The following TREM1 variants were observed in gnomAD, a reference collection of about 807,000 sequenced individuals.
TREM1 encodes the protein triggering receptor expressed on myeloid cells 1, also known as triggering receptor expressed on monocytes 1.
A neutral mutation model predicts 22.4 loss-of-function variants in TREM1; 16 were observed. That is an observed-to-expected ratio of 0.71 (90% CI 0.48 to 1.08). TREM1 has a LOEUF of 1.08. Among genes scored for constraint, TREM1 ranks in the 50% least tolerant of loss-of-function variants. The pLI is 0.00. For synonymous variants in TREM1, 110 were observed against 111.6 expected (o/e 0.99, Z 0.09); for missense variants, 283 against 282.9 (o/e 1.00, Z 0.00).
chr6:41,269,592 G>T (rs73735827), downstream of TREM1, among the ~76,000 whole-genome samples: 5 of 152,230 alleles, frequency 3.3e-5, no homozygotes, highest in East Asian at 9.7e-4. Context: ...TTTCTCTAGC[G>T]GCCCTCTGCC....
chr6:41,268,752 G>T (rs1436668779), downstream of TREM1, among the ~76,000 whole-genome samples: 1 of 152,108 alleles, frequency 6.6e-6, no homozygotes, highest in East Asian at 1.9e-4. Context: ...CTTTGCAAAG[G>T]ACTGAAGTTT....
intron 1 of TREM1, among the ~76,000 whole-genome samples, chr6:41,283,719 A>AAC (rs60544893): frequency 0.033 from 4,811 of 146,952 alleles, 301 homozygotes; most frequent in East Asian, 0.29. Flanking sequence ...TAAAAAAAAA[A>AAC]ACACACACAC....
chr6:41,280,625 C>T lies in TREM1; in HGVS notation c.599+336G>A, dbSNP rs1489012330. ...CAGGCCAACACTAGATCCAGGGCCC[C>T]TCACTCAGAGTGCTTTCCCACTGCC... On this transcript the variant is annotated intron_variant, in intron 3 of 3. Transcript: ENST00000244709. The T allele has an allele frequency of 3.0e-6, 4 of 1,346,928 alleles. No individual in the cohort carries two copies. In the East Asian group the frequency reaches 1.2e-4, roughly 40 times the overall value. The allele number at this position is 1,346,928 out of a possible 1,614,324, so 83.4% of individuals were successfully genotyped here.
At chr6:41,269,580 A>G (rs1000766089), downstream of TREM1, among the ~76,000 whole-genome samples, 1 of 152,252 alleles carries the variant, frequency 6.6e-6, no homozygotes, top group African/African-American at 2.4e-5. Context: ...TCAATTAACC[A>G]GTTTCTCTAG....
chr6:41,283,719 A>C (rs9471533), intron 1 of TREM1, among the ~76,000 whole-genome samples: 68,326 of 146,808 alleles, frequency 0.47, 15,940 homozygotes, highest in Middle Eastern at 0.58. Flanking sequence ...TAAAAAAAAA[A>C]ACACACACAC....
chr6:41,280,908 G>T (rs757523115), intron 3 of TREM1, 53 bp downstream of exon 3: 8 of 1,613,366 alleles, frequency 5.0e-6, no homozygotes, highest in Non-Finnish European at 6.8e-6. Flanking sequence ...CACAGACTGG[G>T]AAACAAAGGG....
Position 41,279,839 on chromosome 6 carries a change from T to G in TREM1, c.599+1122A>C, listed in dbSNP as rs1767833807. On this transcript the variant is annotated intron_variant, in intron 3 of 3. Transcript: ENST00000244709. ...TGGAAGACCATTGGTAGATGCTATT[T>G]GTATACAAAATGATATCAGTGTTTA... 12 of 985,324 alleles carry G rather than the reference T, an allele frequency of 1.2e-5. No individual in the cohort carries two copies. The South Asian group carries it at 5.6e-4, about 46-fold the overall frequency. The allele number at this position is 985,324 out of a possible 1,614,324, so 61.0% of individuals were successfully genotyped here. A position where few individuals can be genotyped will look rare whatever the true frequency, so the allele number is the denominator to read the frequency against.
chr6:41,279,429 A>G, intron 3 of TREM1: 2 of 716,654 alleles, frequency 2.8e-6, no homozygotes, highest in Non-Finnish European at 3.4e-6. Context: ...GACAGCTTAC[A>G]CTTAAGGCCC....
chr6:41,276,842 C>T (rs1357830365), intron 3 of TREM1, among the ~76,000 whole-genome samples: 1 of 152,058 alleles, frequency 6.6e-6, no homozygotes, highest in Non-Finnish European at 1.5e-5. Context: ...AGGCCAGATG[C>T]AGAGCCAGTG....
chr6:41,271,184 C>T (rs1037213816), downstream of TREM1, among the ~76,000 whole-genome samples: 2 of 152,154 alleles, frequency 1.3e-5, no homozygotes, highest in African/African-American at 4.8e-5. Context: ...ACGGATCACC[C>T]TACACCTGGT....
At position 41,282,397 on chromosome 6, in the gene TREM1, T is replaced by G. The variant is rs34727391; in HGVS notation, c.404A>C (p.Lys135Thr). 1.2e-3 allele frequency: 1,896 copies of G among 1,605,342 alleles called. 20 individuals are homozygous for G. The African/African-American group carries it at 0.023, about 19-fold the overall frequency. ...LFDRIRLVVT[K>T]GFSGTPGSNE... is the part of the protein sequence containing the mutation. ...CCCCCAAGTCCCAGGCCACTCACCCTTGGTCACCACCAAGCGGATGCGATC... is the reference window on the plus strand; with the variant it reads ...CCCCCAAGTCCCAGGCCACTCACCCGTGGTCACCACCAAGCGGATGCGATC... The change falls in exon 2 of 4, where the codon AAG becomes ACG. Residue 135 changes from lysine to threonine, a missense_variant and splice_region_variant. Coordinates refer to ENST00000244709, the MANE Select transcript of TREM1 (RefSeq NM_018643.5).
rs1015012836 is a variant in TREM1 at position 41,274,864 on chromosome 6, T to C, written c.*1261A>G. 1.8e-4 allele frequency among the ~76,000 whole-genome samples: 27 copies of C among 152,184 alleles called. No individual in the cohort carries two copies. The highest frequency in any genetic ancestry group is 1.6e-3 in the Admixed American group (24 of 15,278). On this transcript the variant is annotated 3_prime_UTR_variant, in exon 4 of 4. Coordinates refer to ENST00000244709, the MANE Select transcript of TREM1 (RefSeq NM_018643.5). Reference sequence around the variant, plus strand: ...CATTTACCTAACATGAGACACACGGTATGTGTGGAAAAGTATGATTGCTCT... The same window carrying C: ...CATTTACCTAACATGAGACACACGGCATGTGTGGAAAAGTATGATTGCTCT...
At chr6:41,268,523 A>G (rs1361982470) in intron 3 of TREM1, among the ~76,000 whole-genome samples, 1 of 152,226 alleles carries the variant, frequency 6.6e-6, no homozygotes, top group South Asian at 2.1e-4. Context: ...CAACTTTGCT[A>G]CATGTGAAAT....
At chr6:41,284,541 A>G (rs1768074461) in intron 1 of TREM1, among the ~76,000 whole-genome samples, 1 of 152,112 alleles carries the variant, frequency 6.6e-6, no homozygotes, top group Non-Finnish European at 1.5e-5. Flanking sequence ...TTGCTGAGAG[A>G]CTGTAGCTTA....
intron 3 of TREM1, chr6:41,280,485 A>G (rs1767859796): frequency 2.0e-6 from 2 of 1,018,144 alleles, no homozygotes; most frequent in Non-Finnish European, 2.4e-6. Context: ...TCCTGCTGAG[A>G]GTTATTAGGT....
rs776401979 is a variant in TREM1 at position 41,274,675 on chromosome 6, G to A, written c.*1450C>T. On this transcript the variant is annotated 3_prime_UTR_variant, in exon 4 of 4. Transcript: ENST00000244709. ...CACCTTCTAATGGGCTCAAAATTGCGGTTCAGAAATCATCTCTCTAGGGTC... is the reference window on the plus strand; with the variant it reads ...CACCTTCTAATGGGCTCAAAATTGCAGTTCAGAAATCATCTCTCTAGGGTC... Among the ~76,000 whole-genome samples, 36 of 152,046 alleles carry A rather than the reference G, an allele frequency of 2.4e-4. No homozygotes were observed. Among genetic ancestry groups the A allele is most frequent in the African/African-American group, 8.5e-4 (35 of 41,374 alleles).
intron 3 of TREM1, chr6:41,279,801 G>A (rs1274190259): frequency 3.0e-6 from 3 of 985,290 alleles, no homozygotes; most frequent in Non-Finnish European, 2.4e-6. Flanking sequence ...ACTGCAAATT[G>A]TTTCCAATCT....
At chr6:41,285,531 T>G (rs1768126929) in intron 1 of TREM1, among the ~76,000 whole-genome samples, 2 of 152,232 alleles carry the variant, frequency 1.3e-5, no homozygotes, top group Admixed American at 1.3e-4. Flanking sequence ...CACAGTCTGA[T>G]AGGGATTAGA....
chr6:41,286,070 C>T (rs1177257606), intron 1 of TREM1, among the ~76,000 whole-genome samples: 1 of 152,214 alleles, frequency 6.6e-6, no homozygotes, highest in African/African-American at 2.4e-5. Flanking sequence ...TCTGCTGAGC[C>T]TCAGCAACTG....
Sources: gnomAD v4.1 joint callset for allele counts (sites outside exome capture counted in the v4.1 genomes callset) on GRCh38, gnomAD v4.1.1 for gene constraint, MANE v1.5 for transcripts, NCBI Gene and HGNC (gene_info 2026-07-23, HGNC 2026-07-21) for gene names.